Variants in CFAP74 observed in about 807,000 individuals in gnomAD.
CFAP74 encodes the protein cilia and flagella associated protein 74, also known as cilia- and flagella-associated protein 74.
CFAP74 carries 124 observed loss-of-function variants against 188.9 expected under a neutral mutation model. That is an observed-to-expected ratio of 0.66 (90% CI 0.57 to 0.76). The LOEUF (loss-of-function observed/expected upper bound fraction) is 0.76, where lower values mean the gene tolerates loss of function less well. Among genes scored for constraint, CFAP74 ranks in the 30% least tolerant of loss-of-function variants. The probability of loss-of-function intolerance (pLI) is 0.00; values close to 1 mark genes in which losing one functional copy is unlikely to be tolerated. For synonymous variants in CFAP74, 956 were observed against 916.7 expected (o/e 1.04, Z -0.77); for missense variants, 2,198 against 2,165.2 (o/e 1.02, Z -0.30).
chr1:1,990,817 G>C, intron 2 of CFAP74, 73 bp downstream of exon 2: 1 of 1,155,774 alleles, frequency 8.7e-7, no homozygotes, highest in Non-Finnish European at 1.3e-6. Flanking sequence ...GGGAATTAAA[G>C]GGCTACTATG....
intron 14 of CFAP74, among the ~76,000 whole-genome samples, chr1:1,960,486 C>G (rs1477048992): frequency 6.6e-6 from 1 of 152,246 alleles, no homozygotes; most frequent in African/African-American, 2.4e-5. Context: ...GGGACCCTCT[C>G]AGCCCCTTTC....
chr1:1,989,037 T>C, intron 2 of CFAP74, 64 bp from the exon 3 acceptor site: 1 of 862,134 alleles, frequency 1.2e-6, no homozygotes, highest in Non-Finnish European at 1.9e-6. Context: ...ATCTGAAGTT[T>C]TAGGATAAAT....
intron 25 of CFAP74, among the ~76,000 whole-genome samples, chr1:1,936,078 G>A (rs1314832636): frequency 3.9e-5 from 6 of 151,948 alleles, no homozygotes; most frequent in African/African-American, 1.5e-4. Flanking sequence ...TTATCTGGGC[G>A]TGGTGGCGTA....
chr1:1,959,893 C>T, intron 15 of CFAP74, 71 bp downstream of exon 15: 1 of 1,350,102 alleles, frequency 7.4e-7, no homozygotes. Flanking sequence ...TGTTCTGCGC[C>T]ACCATGCCCG....
In CFAP74 at chr1:1,924,377, C is replaced by A; in HGVS notation, c.4234+14G>T. Reference sequence around the variant, plus strand: ...CCCCCGCAGCTCACCACCCACCCCCCACCCCCCGCTCACCGACCACCTCCG... The same window carrying A: ...CCCCCGCAGCTCACCACCCACCCCCAACCCCCCGCTCACCGACCACCTCCG... On this transcript the variant is annotated intron_variant, in intron 34 of 38. Coordinates refer to ENST00000682832, the MANE Select transcript of CFAP74 (RefSeq NM_001304360.2). 6 of 494,170 alleles carry A rather than the reference C, an allele frequency of 1.2e-5. No homozygotes were observed. Among genetic ancestry groups the A allele is most frequent in the East Asian group, 1.2e-4 (1 of 8,624 alleles). 30.6% of individuals were successfully genotyped at this position (494,170 alleles called of 1,614,324 possible). A position where few individuals can be genotyped will look rare whatever the true frequency, so the allele number is the denominator to read the frequency against.
chr1:1,990,865 G>C lies in CFAP74; in HGVS notation c.67+25C>G, dbSNP rs376232896. The C allele has an allele frequency of 1.3e-5, 20 of 1,594,144 alleles. No homozygotes were observed. The African/African-American group carries it at 2.2e-4, about 17-fold the overall frequency. ...TGTTTGTCTTTTTGCTGAAACTTCC[G>C]TTACTGTGAAAGAAGCTTTATTACC... On this transcript the variant is annotated intron_variant, in intron 2 of 38. Coordinates refer to ENST00000682832, the MANE Select transcript of CFAP74 (RefSeq NM_001304360.2).
chr1:1,944,114 A>AG (rs1653577405), intron 21 of CFAP74, among the ~76,000 whole-genome samples: 2 of 152,196 alleles, frequency 1.3e-5, no homozygotes, highest in Non-Finnish European at 2.9e-5. Flanking sequence ...GATGCCGTTC[A>AG]GGGCCTGGAC....
chr1:1,996,053 C>T (rs555058699), intron 1 of CFAP74, among the ~76,000 whole-genome samples: 3 of 152,174 alleles, frequency 2.0e-5, no homozygotes, highest in African/African-American at 7.2e-5. Context: ...GGTACGATCT[C>T]GGCTCACTGC....
In CFAP74 at chr1:1,922,685, C is replaced by G; in HGVS notation, c.4722G>C (p.Gln1574His). 3 of 1,600,926 alleles carry G rather than the reference C, an allele frequency of 1.9e-6. No individual in the cohort carries two copies. Among genetic ancestry groups the G allele is most frequent in the Non-Finnish European group, 2.6e-6 (3 of 1,172,752 alleles). The change falls in exon 38 of 39, where the codon CAG (glutamine) becomes CAC (histidine). Residue 1574 changes from glutamine to histidine, a missense_variant. Physicochemically the swap from Gln to His is conservative, Grantham distance 24 (BLOSUM62 0). Coordinates refer to ENST00000682832, the MANE Select transcript of CFAP74 (RefSeq NM_001304360.2). ...AGGGCTCAATAGAGAAACCCTTGTG[C>G]TGCAGGGATGCGACGCTGTCTATGC... ...EFSIDSVASL[Q>H]HKGFSIEPSR... is the part of the protein sequence containing the mutation.
At chr1:1,955,622 C>A (rs1232763139) in intron 18 of CFAP74, 69 bp downstream of exon 18, 1 of 1,612,898 alleles carries the variant, frequency 6.2e-7, no homozygotes, top group South Asian at 1.1e-5. Flanking sequence ...GGCCCCTCAG[C>A]CCCCTGGAAT....
At chr1:1,937,451 G>C (rs1379660345) in intron 25 of CFAP74, among the ~76,000 whole-genome samples, 1 of 152,132 alleles carries the variant, frequency 6.6e-6, no homozygotes, top group Non-Finnish European at 1.5e-5. Context: ...CAGTGGCCCA[G>C]GTCAGTAGGA....
rs541894547 is a variant in CFAP74 at position 1,990,751 on chromosome 1, G to A, written c.67+139C>T. The A allele has an allele frequency of 3.1e-5, 18 of 572,318 alleles. 1 individual carries two copies. The highest frequency in any genetic ancestry group is 8.2e-4 in the Middle Eastern group (2 of 2,448). 35.5% of individuals were successfully genotyped at this position (572,318 alleles called of 1,614,324 possible). A position where few individuals can be genotyped will look rare whatever the true frequency, so the allele number is the denominator to read the frequency against. The stretch of plus-strand genomic sequence containing the variant: ...CTTTCAAATAAAGACAATAATATAA[G>A]CTCCCTCTTTGAGAGAAAAATATGA... On this transcript the variant is annotated intron_variant, in intron 2 of 38. Coordinates refer to ENST00000682832, the MANE Select transcript of CFAP74 (RefSeq NM_001304360.2).
chr1:1,938,072 AAC>A lies in CFAP74; in HGVS notation c.3011+781_3011+782del, dbSNP rs768270427. 1.4e-4 allele frequency among the ~76,000 whole-genome samples: 20 copies of A among 148,046 alleles called. No homozygotes were observed. In the South Asian group the frequency reaches 1.7e-3, roughly 13 times the overall value. ...CACTCACACTCAACCTTACACACCC[AAC>A]ACACACGCACTCACACTCAACCTTA... On this transcript the variant is annotated intron_variant, in intron 25 of 38. Transcript: ENST00000682832.
At position 1,930,180 on chromosome 1, in the gene CFAP74, G is replaced by C. The variant is rs773641051; in HGVS notation, c.3168C>G (p.Ser1056=). The C allele has an allele frequency of 1.3e-6, 2 of 1,535,752 alleles. No homozygotes were observed. Among genetic ancestry groups the C allele is most frequent in the Non-Finnish European group, 1.7e-6 (2 of 1,146,760 alleles). ...SHLSMSSPTH[S]KPRIGSEDAS... ...CGTCCTCTGAGCCAATGCGGGGCTT[G>C]GAGTGGGTCGGTGAGCTCATGCTCA... The change falls in exon 26 of 39, where the codon TCC becomes TCG. Residue 1056 remains serine (S), a synonymous_variant. Coordinates refer to ENST00000682832, the MANE Select transcript of CFAP74 (RefSeq NM_001304360.2).
Position 1,925,851 on chromosome 1 carries a change from A to C in CFAP74, c.4036T>G (p.Ser1346Ala). 6.2e-7 allele frequency: 1 copy of C among 1,612,698 alleles called. No homozygotes were observed. The highest frequency in any genetic ancestry group is 8.5e-7 in the Non-Finnish European group (1 of 1,179,930). ...ATGTTGAGGACGCTGCCTTCAATGG[A>C]GCACGTGATCATGGACGCCACGCCA... ...GTGVASMITC[S>A]IEGSVLNMGY... The change falls in exon 33 of 39, where the codon TCC becomes GCC. Residue 1346 changes from serine to alanine, a missense_variant. Physicochemically the swap from Ser to Ala is moderately conservative, Grantham distance 99. Transcript: ENST00000682832.
chr1:1,928,932 C>A (rs936896342), intron 26 of CFAP74, 50 bp from the exon 27 acceptor site: 4 of 1,314,454 alleles, frequency 3.0e-6, no homozygotes, highest in Non-Finnish European at 3.2e-6. Context: ...CCTCCACCTC[C>A]CCGGAGCCCC....
At position 1,955,805 on chromosome 1, in the gene CFAP74, C is replaced by T. The variant is rs199689924; in HGVS notation, c.2062G>A (p.Ala688Thr). The stretch of plus-strand genomic sequence containing the variant: ...AGCTGCTGCTCAGAGAAGCTGGTGG[C>T]GGCTTTGTCATACAAGCTTTTATCT... ...YEDKSLYDKA[A>T]TSFSEQQLEG... Residue 688 changes from alanine to threonine, a missense_variant, in exon 18 of 39, where the codon GCC becomes ACC. Ala to Thr is a moderately conservative substitution (Grantham distance 58). Coordinates refer to ENST00000682832, the MANE Select transcript of CFAP74 (RefSeq NM_001304360.2). 21 of 1,614,062 alleles carry T rather than the reference C, an allele frequency of 1.3e-5. No individual in the cohort carries two copies. In the African/African-American group the frequency reaches 2.0e-4, roughly 15 times the overall value.
rs540548638 is a variant in CFAP74 at position 1,980,120 on chromosome 1, G to A, written c.500+5266C>T. Among the ~76,000 whole-genome samples the A allele has an allele frequency of 7.7e-4, 101 of 131,072 alleles. 1 individual carries two copies. The highest frequency in any genetic ancestry group is 2.8e-3 in the African/African-American group (98 of 34,880). 86.0% of individuals were successfully genotyped at this position (131,072 alleles called of 152,430 possible). A position where few individuals can be genotyped will look rare whatever the true frequency, so the allele number is the denominator to read the frequency against. On this transcript the variant is annotated intron_variant, in intron 6 of 38. Transcript: ENST00000682832. ...TGTATCTAAGCCACCGGCACAGATCGCAGTGGGCGCCCTCTTACCGCGTGG... is the reference window on the plus strand; with the variant it reads ...TGTATCTAAGCCACCGGCACAGATCACAGTGGGCGCCCTCTTACCGCGTGG...
chr1:1,964,741 G>A, intron 13 of CFAP74, 147 bp downstream of exon 13: 1 of 795,590 alleles, frequency 1.3e-6, no homozygotes, highest in Non-Finnish European at 2.0e-6. Flanking sequence ...AGTGACCTGA[G>A]ATTATGCCGT....
Sources: gnomAD v4.1 joint callset for allele counts (sites outside exome capture counted in the v4.1 genomes callset) on GRCh38, gnomAD v4.1.1 for gene constraint, MANE v1.5 for transcripts, NCBI Gene and HGNC (gene_info 2026-07-23, HGNC 2026-07-21) for gene names.